The following DNAH7 variants were observed in gnomAD, a reference collection of about 807,000 sequenced individuals.
DNAH7 encodes dynein axonemal heavy chain 7.
In DNAH7, 397 loss-of-function variants were observed where a neutral mutation model predicts 444.6. That is an observed-to-expected ratio of 0.89 (90% CI 0.82 to 0.97). The LOEUF is 0.97. Ranked by LOEUF, DNAH7 falls within the 50% of genes least tolerant of loss-of-function variation. The probability of loss-of-function intolerance (pLI) is 0.00; values close to 1 mark genes in which losing one functional copy is unlikely to be tolerated. For missense variants in DNAH7, 4,902 were observed against 4,800.8 expected (o/e 1.02, Z -0.62); for synonymous variants, 1,636 against 1,624.4 (o/e 1.01, Z -0.17).
At chr2:195,789,520 G>A (rs1033617758) in intron 57 of DNAH7, among the ~76,000 whole-genome samples, 6 of 152,192 alleles carry the variant, frequency 3.9e-5, no homozygotes, top group Admixed American at 6.5e-5. Context: ...GGATTTTGAT[G>A]AGGAATGGGA....
chr2:195,948,194 C>T (rs1243058853), intron 19 of DNAH7, among the ~76,000 whole-genome samples: 8 of 152,036 alleles, frequency 5.3e-5, no homozygotes. Context: ...GATATTAGTC[C>T]TTTGTCAGAT....
At chr2:195,833,661 T>C (rs1012409997) in intron 48 of DNAH7, among the ~76,000 whole-genome samples, 2 of 152,064 alleles carry the variant, frequency 1.3e-5, no homozygotes, top group African/African-American at 2.4e-5. Context: ...AAGAGCTGTA[T>C]TGAAAAATCT....
chr2:195,845,015 C>T lies in DNAH7; in HGVS notation c.8932G>A (p.Gly2978Arg). ...TATTTTTCTTACATTATGATTATCC[C>T]ATTATCAATGGAAAATGAGTCAGAA... Reference protein sequence around the residue: ...LPSDSFSIDNGIIIMNARRWP... With the variant: ...LPSDSFSIDNRIIIMNARRWP... The change falls in exon 47 of 65, where the codon GGG (glycine) becomes AGG (arginine). Residue 2978 changes from glycine to arginine, a missense_variant. Gly to Arg is a moderately radical substitution (Grantham distance 125). Transcript: ENST00000312428. 2 of 1,612,984 alleles carry T rather than the reference C, an allele frequency of 1.2e-6. No homozygotes were observed. The highest frequency in any genetic ancestry group is 1.7e-6 in the Non-Finnish European group (2 of 1,179,530).
At position 195,787,148 on chromosome 2, in the gene DNAH7, A is replaced by G. The variant is rs373167270; in HGVS notation, c.10740T>C (p.Tyr3580=). The change falls in exon 58 of 65, where the codon TAT becomes TAC. Residue 3580 remains tyrosine, a synonymous_variant. Transcript: ENST00000312428. ...CCAAAGCATGAAAGAAACACAGGCC[A>G]TAAAGCAATTTCTTGAATTCCTCCT... ...KKPEEFKKLL[Y]GLCFFHALVQ... 24 of 1,601,188 alleles carry G rather than the reference A, an allele frequency of 1.5e-5. No individual in the cohort carries two copies. The highest frequency in any genetic ancestry group is 1.7e-4 in the Middle Eastern group (1 of 6,030).
rs1688137456 is a variant in DNAH7, at chr2:195,923,371, A to T, written c.3825+224T>A. On this transcript the variant is annotated intron_variant, in intron 23 of 64. Transcript: ENST00000312428. ...TCTATATATGGATATATGTTTATAT[A>T]TAACTATACTTTTGAATATAGATAA... Among the ~76,000 whole-genome samples, 3 of 152,196 alleles carry T rather than the reference A, an allele frequency of 2.0e-5. No individual in the cohort carries two copies. In the South Asian group the frequency reaches 6.2e-4, roughly 32 times the overall value.
chr2:196,062,837 G>A (rs1698205087), intron 1 of DNAH7, among the ~76,000 whole-genome samples: 1 of 152,080 alleles, frequency 6.6e-6, no homozygotes, highest in African/African-American at 2.4e-5. Context: ...TTGTTTTAAT[G>A]TTATATTTAA....
Position 195,955,757 on chromosome 2 carries a change from A to C in DNAH7, c.3078+1504T>G, listed in dbSNP as rs140545713. On this transcript the variant is annotated intron_variant, in intron 19 of 64. Coordinates refer to ENST00000312428, the MANE Select transcript of DNAH7 (RefSeq NM_018897.3). ...TTAAAAAGAATTTAATTTTTTAAAT[A>C]TACTAACTAAAAGAATACAAGTATC... Among the ~76,000 whole-genome samples the C allele has an allele frequency of 6.7e-4, 102 of 152,318 alleles. 1 individual carries two copies. The highest frequency in any genetic ancestry group is 2.3e-3 in the African/African-American group (97 of 41,590).
intron 34 of DNAH7, among the ~76,000 whole-genome samples, chr2:195,885,801 T>C (rs10203371): frequency 6.6e-6 from 1 of 152,128 alleles, no homozygotes; most frequent in Admixed American, 6.5e-5. Context: ...TAAATTATTA[T>C]AGTTTGGAAA....
intron 15 of DNAH7, among the ~76,000 whole-genome samples, chr2:195,976,307 T>TATG (rs1692181189): frequency 6.6e-6 from 1 of 152,084 alleles, no homozygotes. Flanking sequence ...CCCAAGGACC[T>TATG]GTGGTGGTGG....
intron 62 of DNAH7, among the ~76,000 whole-genome samples, chr2:195,754,942 G>A (rs774083015): frequency 1.3e-5 from 2 of 152,112 alleles, no homozygotes; most frequent in African/African-American, 2.4e-5. Flanking sequence ...AAAAACAGGT[G>A]GTATATTCGG....
At position 195,972,250 on chromosome 2, in the gene DNAH7, C is replaced by G. The variant is rs769857385; in HGVS notation, c.2050G>C (p.Gly684Arg). The G allele has an allele frequency of 1.9e-6, 3 of 1,612,522 alleles. No individual in the cohort carries two copies. In the Admixed American group the frequency reaches 5.0e-5, roughly 27 times the overall value. ...IKEKIEQYQE[G>R]LKLRCERFVE... Reference sequence around the variant, plus strand: ...ATATCTAAGATGCCAACCTTCAGACCTTCTTGATATTGTTCTATTTTCTCT... The same window carrying G: ...ATATCTAAGATGCCAACCTTCAGACGTTCTTGATATTGTTCTATTTTCTCT... The change falls in exon 16 of 65, where the codon GGT (glycine) becomes CGT (arginine). Residue 684 changes from glycine (G) to arginine (R), a missense_variant. Physicochemically the swap from Gly to Arg is moderately radical, Grantham distance 125 (BLOSUM62 -2). Transcript: ENST00000312428.
chr2:195,830,490 A>G (rs1390649692), intron 48 of DNAH7, among the ~76,000 whole-genome samples: 1 of 152,226 alleles, frequency 6.6e-6, no homozygotes, highest in African/African-American at 2.4e-5. Context: ...AGCATATTTT[A>G]TCAAAAATAG....
chr2:195,872,509 CAATTATAG>C lies in DNAH7; in HGVS notation c.6414-48_6414-41del, dbSNP rs1165986543. 3 of 1,385,928 alleles carry C rather than the reference CAATTATAG, an allele frequency of 2.2e-6. No homozygotes were observed. In the African/African-American group the frequency reaches 4.4e-5, roughly 20 times the overall value. 85.9% of individuals were successfully genotyped at this position (1,385,928 alleles called of 1,614,324 possible). A position where few individuals can be genotyped will look rare whatever the true frequency, so the allele number is the denominator to read the frequency against. On this transcript the variant is annotated intron_variant, in intron 39 of 64. Transcript: ENST00000312428. ...AAATAAAAAGAAAGGAAAATGTTAG[CAATTATAG>C]AATTACGACACAAAAAGGATATTTA... is the stretch of plus-strand genomic sequence containing the variant.
intron 19 of DNAH7, among the ~76,000 whole-genome samples, chr2:195,939,462 C>T (rs895850530): frequency 6.6e-6 from 1 of 152,070 alleles, no homozygotes; most frequent in African/African-American, 2.4e-5. Flanking sequence ...CAGGGAAACT[C>T]AAGGAATGTA....
At chr2:195,908,807 T>G (rs1687190878) in intron 25 of DNAH7, among the ~76,000 whole-genome samples, 1 of 152,162 alleles carries the variant, frequency 6.6e-6, no homozygotes, top group Admixed American at 6.5e-5. Context: ...CATATTTTAT[T>G]AATTATAATT....
At chr2:195,807,358 A>G (rs1458213264) in intron 53 of DNAH7, among the ~76,000 whole-genome samples, 1 of 152,006 alleles carries the variant, frequency 6.6e-6, no homozygotes, top group Admixed American at 6.6e-5. Flanking sequence ...GGGTTTCACC[A>G]TGTTGGCCAG....
At chr2:195,976,747 C>CAGACAGAGAGAGAG (rs545824124) in intron 15 of DNAH7, among the ~76,000 whole-genome samples, 6 of 90,620 alleles carry the variant, frequency 6.6e-5, no homozygotes, top group South Asian at 5.5e-4. Flanking sequence ...GAGAGGCAGA[C>CAGACAGAGAGAGAG]AGAGAGAGAG....
intron 40 of DNAH7, among the ~76,000 whole-genome samples, chr2:195,865,838 C>T (rs539319130): frequency 3.9e-5 from 6 of 151,964 alleles, no homozygotes; most frequent in Non-Finnish European, 7.4e-5. Context: ...GGATAGTGTC[C>T]TTATAAGGAG....
intron 58 of DNAH7, among the ~76,000 whole-genome samples, chr2:195,781,816 TATA>T (rs1254970806): frequency 2.0e-5 from 3 of 152,268 alleles, no homozygotes; most frequent in Admixed American, 1.3e-4. Flanking sequence ...ATATGTACAC[TATA>T]ATAATGTTTT....
Sources: gnomAD v4.1 joint callset for allele counts (sites outside exome capture counted in the v4.1 genomes callset) on GRCh38, gnomAD v4.1.1 for gene constraint, MANE v1.5 for transcripts, NCBI Gene and HGNC (gene_info 2026-07-23, HGNC 2026-07-21) for gene names.